The following CASP4 variants were observed in gnomAD, a reference collection of about 807,000 sequenced individuals.
The protein encoded by CASP4 is caspase-4.
CASP4 carries 29 observed loss-of-function variants against 41.3 expected under a neutral mutation model. That is an observed-to-expected ratio of 0.70 (90% confidence interval 0.52 to 0.96). The LOEUF is 0.96. CASP4 is among the 40% of genes least tolerant of loss of function. The pLI, the probability that CASP4 is intolerant of heterozygous loss-of-function variation, is 0.00. For synonymous variants in CASP4, 185 were observed against 158.4 expected (o/e 1.17, Z -1.26); for missense variants, 447 against 460.6 (o/e 0.97, Z 0.27).
At chr11:104,963,416 A>G (rs962267466) in intron 1 of CASP4, among the ~76,000 whole-genome samples, 1 of 152,238 alleles carries the variant, frequency 6.6e-6, no homozygotes, top group African/African-American at 2.4e-5. Flanking sequence ...TCTTCATGAC[A>G]ACCAAGGAAT....
At chr11:104,943,222 T>G in intron 8 of CASP4, 1 of 309,180 alleles carries the variant, frequency 3.2e-6, no homozygotes, top group Non-Finnish European at 6.3e-6. Flanking sequence ...TTTTAAAGGT[T>G]TACCATGTGA....
rs367631972 is a variant in CASP4 at position 104,954,713 on chromosome 11, A to G, written c.262+34T>C. 27 of 1,600,980 alleles carry G rather than the reference A, an allele frequency of 1.7e-5. No homozygotes were observed. The African/African-American group carries it at 2.8e-4, about 17-fold the overall frequency. Reference sequence around the variant, plus strand: ...TTGGAGTTAAACAGATTTAGGGAAAATTGAGACATTCATTGTAAAAAATCC... The same window carrying G: ...TTGGAGTTAAACAGATTTAGGGAAAGTTGAGACATTCATTGTAAAAAATCC... On this transcript the variant is annotated intron_variant, in intron 2 of 8. Coordinates refer to ENST00000444739, the MANE Select transcript of CASP4 (RefSeq NM_001225.4).
At chr11:104,956,256 A>G (rs1591131694) in intron 1 of CASP4, among the ~76,000 whole-genome samples, 1 of 152,040 alleles carries the variant, frequency 6.6e-6, no homozygotes, top group African/African-American at 2.4e-5. Context: ...TATATTCCCT[A>G]TTTTATATTC....
In CASP4 at chr11:104,949,775, A is replaced by G; in HGVS notation, c.549T>C (p.Asp183=). 2 of 1,613,482 alleles carry G rather than the reference A, an allele frequency of 1.2e-6. No homozygotes were observed. The highest frequency in any genetic ancestry group is 1.1e-5 in the South Asian group (1 of 91,066). The change falls in exon 5 of 9, where the codon GAT becomes GAC. Residue 183 remains aspartate, a splice_region_variant and synonymous_variant. Coordinates refer to ENST00000444739, the MANE Select transcript of CASP4 (RefSeq NM_001225.4). ...VDVEENLTAR[D]MESALRAFAT... ...CAAATGCCCTCAGCGCTGACTCCAT[A>G]TCCTGTAAAAGAGCAATGTCTAACT...
At chr11:104,967,030 G>A (rs1253130181) in intron 1 of CASP4, among the ~76,000 whole-genome samples, 1 of 152,162 alleles carries the variant, frequency 6.6e-6, no homozygotes, top group Non-Finnish European at 1.5e-5. Context: ...AATGAAAGCT[G>A]CAGTGATAAT....
intron 5 of CASP4, chr11:104,949,233 A>G: frequency 2.5e-6 from 1 of 399,322 alleles, no homozygotes; most frequent in Admixed American, 3.9e-5. Context: ...TCTGTAAAAC[A>G]TTTACAAATC....
chr11:104,951,200 T>C (rs912653392), intron 3 of CASP4, 102 bp from the exon 4 acceptor site: 10 of 967,812 alleles, frequency 1.0e-5, no homozygotes, highest in Non-Finnish European at 1.4e-5. Flanking sequence ...GCAGCTCCTC[T>C]CTGCTCTAAC....
Position 104,951,697 on chromosome 11 carries a change from A to G in CASP4, c.372+199T>C. The G allele has an allele frequency of 4.9e-6, 3 of 606,678 alleles. No individual in the cohort carries two copies. In the South Asian group the frequency reaches 5.7e-5, roughly 11 times the overall value. 37.6% of individuals were successfully genotyped at this position (606,678 alleles called of 1,614,324 possible). On this transcript the variant is annotated intron_variant, in intron 3 of 8. Transcript: ENST00000444739. ...AATACCAATTTTCTTTCAACTCATG[A>G]TAAAATGATCTGCATCATGGATTGA...
At chr11:104,965,986 C>T (rs1860966459) in intron 1 of CASP4, among the ~76,000 whole-genome samples, 1 of 152,206 alleles carries the variant, frequency 6.6e-6, no homozygotes, top group Non-Finnish European at 1.5e-5. Flanking sequence ...ATGATTCCAT[C>T]TCCCACCTGA....
rs56226603 is a variant in CASP4, at chr11:104,954,870, C to T, written c.139G>A (p.Asp47Asn). The change falls in exon 2 of 9, where the codon GAT becomes AAT. Residue 47 changes from aspartate (D) to asparagine (N), a missense_variant. Physicochemically the swap from Asp to Asn is conservative, Grantham distance 23. Transcript: ENST00000444739. The stretch of plus-strand genomic sequence containing the variant: ...CGAACTTTGTCTTCAGTTTTAGCAT[C>T]GTAATATTTCTTTTTTTCCTCTTCC... Reference protein sequence around the residue: ...WKEEEKKKYYDAKTEDKVRVM... With the variant: ...WKEEEKKKYYNAKTEDKVRVM... 7,843 of 1,613,718 alleles carry T rather than the reference C, an allele frequency of 4.9e-3. 353 individuals are homozygous for T. The African/African-American group carries it at 0.089, about 18-fold the overall frequency.
intron 1 of CASP4, among the ~76,000 whole-genome samples, chr11:104,967,445 C>T (rs1043308389): frequency 1.3e-5 from 2 of 151,974 alleles, no homozygotes; most frequent in Admixed American, 6.6e-5. Context: ...ACACATGTTT[C>T]AAAAGGTAGA....
At chr11:104,956,509 A>C (rs775216014) in intron 1 of CASP4, 50 of 209,556 alleles carry the variant, frequency 2.4e-4, no homozygotes, top group Non-Finnish European at 3.8e-4. Context: ...GTAAAAGAAC[A>C]CCGAGTATAT....
intron 8 of CASP4, chr11:104,943,821 T>C (rs1860383586): frequency 6.6e-6 from 1 of 152,206 alleles, no homozygotes; most frequent in Non-Finnish European, 1.5e-5. Context: ...ATATTGTGAC[T>C]GAAGTGTCAG....
At chr11:104,963,437 T>C (rs935838719) in intron 1 of CASP4, among the ~76,000 whole-genome samples, 2 of 152,226 alleles carry the variant, frequency 1.3e-5, no homozygotes, top group Non-Finnish European at 2.9e-5. Flanking sequence ...TAAAAGTAGA[T>C]GGATCACTCT....
At chr11:104,957,563 T>G (rs1860764132) in intron 1 of CASP4, among the ~76,000 whole-genome samples, 1 of 152,104 alleles carries the variant, frequency 6.6e-6, no homozygotes, top group Non-Finnish European at 1.5e-5. Context: ...CAGAATGAGA[T>G]CCTGTCTCAA....
chr11:104,966,205 C>T (rs1429907802), intron 1 of CASP4, among the ~76,000 whole-genome samples: 2 of 152,170 alleles, frequency 1.3e-5, no homozygotes, highest in Non-Finnish European at 2.9e-5. Context: ...GTGAACCCAC[C>T]TGGTGATTAC....
chr11:104,951,768 A>G (rs1417537285), intron 3 of CASP4, 128 bp downstream of exon 3: 2 of 704,666 alleles, frequency 2.8e-6, no homozygotes, highest in East Asian at 5.4e-5. Flanking sequence ...TTCCCTTAGT[A>G]AAAGCATTAT....
chr11:104,946,979 C>A, intron 7 of CASP4, 104 bp downstream of exon 7: 1 of 777,920 alleles, frequency 1.3e-6, no homozygotes, highest in South Asian at 1.6e-5. Context: ...GGGTACCTCT[C>A]TACTTTCACT....
At chr11:104,949,336 T>A (rs575390182) in intron 5 of CASP4, 1 of 581,020 alleles carries the variant, frequency 1.7e-6, no homozygotes, top group African/African-American at 1.9e-5. Context: ...CCACTTACTG[T>A]GGATAAAATT....
Sources: allele counts gnomAD v4.1 joint callset (sites outside exome capture counted in the v4.1 genomes callset), GRCh38; gene constraint gnomAD v4.1.1; transcripts MANE v1.5; gene names NCBI Gene and HGNC (gene_info 2026-07-23, HGNC 2026-07-21).